NUTM2B: variants seen among roughly 807,000 people sequenced by gnomAD.
NUTM2B encodes the protein NUT family member 2B.
A neutral mutation model predicts 42.4 loss-of-function variants in NUTM2B; 2 were observed. The observed-to-expected ratio is 0.05, with a 90% confidence interval of 0.02 to 0.15. The LOEUF is 0.15. Among genes scored for constraint, NUTM2B ranks in the 10% least tolerant of loss-of-function variants. NUTM2B has a pLI of 1.00. For missense variants in NUTM2B, 58 were observed against 952.6 expected, an observed-to-expected ratio of 0.06 and a Z score of 12.36; for synonymous variants, 18 against 402.4, an observed-to-expected ratio of 0.04 and a Z score of 11.43.
At chr10:79,698,435 CTT>C (rs1840261467), upstream of NUTM2B, among the ~76,000 whole-genome samples, 1 of 144,880 alleles carries the variant, frequency 6.9e-6, no homozygotes, top group Non-Finnish European at 1.5e-5. Flanking sequence ...TATAAACAGA[CTT>C]AGATAATTCA....
At chr10:79,705,069 G>A (rs1243269142) in intron 1 of NUTM2B, among the ~76,000 whole-genome samples, 5 of 139,972 alleles carry the variant, frequency 3.6e-5, no homozygotes, top group African/African-American at 1.3e-4. Flanking sequence ...GCCTCACCCG[G>A]CCCATGGCCC....
At chr10:79,700,939 C>T (rs549814373), upstream of NUTM2B, among the ~76,000 whole-genome samples, 75 of 152,332 alleles carry the variant, frequency 4.9e-4, no homozygotes, top group African/African-American at 1.8e-3. Flanking sequence ...CCTCCATGAC[C>T]GTGCCTCTGA....
chr10:79,711,967 C>T (rs1200144878), exon 7 of NUTM2B: 3 of 1,437,278 alleles, frequency 2.1e-6, no homozygotes, highest in Non-Finnish European at 2.8e-6. Context: ...TCAGGATTCC[C>T]CTGGGCTGAG....
At chr10:79,709,710 C>G (rs1840454805) in intron 3 of NUTM2B, 90 bp from the exon 4 acceptor site, 1 of 526,650 alleles carries the variant, frequency 1.9e-6, no homozygotes, top group African/African-American at 2.3e-5. Context: ...CCGAGGCACT[C>G]CCTCCTATCC....
At chr10:79,694,071 TAG>T in the NUTM2B span, among the ~76,000 whole-genome samples, 1 of 152,000 alleles carries the variant, frequency 6.6e-6, no homozygotes, top group Non-Finnish European at 1.5e-5. Flanking sequence ...CCATGTGCAA[TAG>T]AGAAACTAAT....
At chr10:79,705,697 A>G (rs1360209776) in intron 1 of NUTM2B, among the ~76,000 whole-genome samples, 1 of 144,328 alleles carries the variant, frequency 6.9e-6, no homozygotes, top group African/African-American at 2.5e-5. Flanking sequence ...CACGCTGAGG[A>G]CCACCAGGCC....
the NUTM2B span, among the ~76,000 whole-genome samples, chr10:79,696,161 C>A: frequency 6.8e-6 from 1 of 147,652 alleles, no homozygotes; most frequent in Non-Finnish European, 1.5e-5. Flanking sequence ...GCCCCCCACC[C>A]CAGTGGTGTG....
chr10:79,699,410 C>G (rs971589503), upstream of NUTM2B, among the ~76,000 whole-genome samples: 3 of 151,986 alleles, frequency 2.0e-5, no homozygotes, highest in African/African-American at 7.3e-5. Flanking sequence ...TAAACTCTCA[C>G]TCCTACACAC....
chr10:79,695,707 G>C, the NUTM2B span, among the ~76,000 whole-genome samples: 2 of 151,986 alleles, frequency 1.3e-5, no homozygotes, highest in Non-Finnish European at 2.9e-5. Context: ...TCAGGACTGA[G>C]AGAAGACATG....
the NUTM2B span, among the ~76,000 whole-genome samples, chr10:79,695,538 A>G: frequency 1.3e-5 from 2 of 152,212 alleles, no homozygotes; most frequent in African/African-American, 4.8e-5. Context: ...AGGTTGGTTG[A>G]GAACTGGTGG....
chr10:79,700,969 C>T (rs367687455), upstream of NUTM2B, among the ~76,000 whole-genome samples: 3 of 152,338 alleles, frequency 2.0e-5, no homozygotes, highest in South Asian at 4.1e-4. Flanking sequence ...GCGTCCGCAA[C>T]GATCACTCCT....
In NUTM2B at chr10:79,710,909, T is replaced by C. The variant is rs1427638960; in HGVS notation, c.1734+145T>C. On this transcript the variant is annotated intron_variant, in intron 5 of 6. Transcript: ENST00000429828. ...GTCTGTGTATGTGATTGTGTGTGTC[T>C]GTGTGTTGCTGTGTGTTTGTGTCTG... is the stretch of plus-strand genomic sequence containing the variant. The C allele has an allele frequency of 2.7e-5, 35 of 1,311,388 alleles. 1 individual carries two copies. The highest frequency in any genetic ancestry group is 1.8e-5 in the Non-Finnish European group (18 of 1,004,584). 81.2% of individuals were successfully genotyped at this position (1,311,388 alleles called of 1,614,324 possible).
chr10:79,699,646 T>C (rs1385802136), upstream of NUTM2B, among the ~76,000 whole-genome samples: 2 of 152,238 alleles, frequency 1.3e-5, no homozygotes, highest in East Asian at 1.9e-4. Flanking sequence ...TTTCACCATG[T>C]TGGTCAGGCT....
upstream of NUTM2B, among the ~76,000 whole-genome samples, chr10:79,699,212 A>G (rs1451481824): frequency 6.6e-6 from 1 of 151,898 alleles, no homozygotes; most frequent in Non-Finnish European, 1.5e-5. Flanking sequence ...AATAGACACA[A>G]GCACTTTCTC....
At chr10:79,693,435 G>A in the NUTM2B span, among the ~76,000 whole-genome samples, 4 of 152,238 alleles carry the variant, frequency 2.6e-5, no homozygotes, top group African/African-American at 9.7e-5. Context: ...TCAGCACACA[G>A]CTGAGGATAT....
At chr10:79,700,772 C>T (rs1355046268), upstream of NUTM2B, among the ~76,000 whole-genome samples, 11 of 152,334 alleles carry the variant, frequency 7.2e-5, no homozygotes, top group South Asian at 4.1e-4. Flanking sequence ...TGAGGGCGGC[C>T]GGCCTCGCGC....
At chr10:79,699,849 T>G, upstream of NUTM2B, among the ~76,000 whole-genome samples, 1 of 152,046 alleles carries the variant, frequency 6.6e-6, no homozygotes, top group Non-Finnish European at 1.5e-5. Context: ...AATTCCAAAC[T>G]AAGAATTCAT....
At chr10:79,696,843 C>T in the NUTM2B span, among the ~76,000 whole-genome samples, 1 of 151,382 alleles carries the variant, frequency 6.6e-6, no homozygotes, top group Non-Finnish European at 1.5e-5. Flanking sequence ...CCCTTCCCAC[C>T]CCTTCATGAA....
Position 79,705,098 on chromosome 10 carries a change from G to A in NUTM2B, c.383-944G>A, listed in dbSNP as rs1198746558. Among the ~76,000 whole-genome samples the A allele has an allele frequency of 1.5e-5, 2 of 129,522 alleles. 1 individual carries two copies. The highest frequency in any genetic ancestry group is 5.7e-5 in the African/African-American group (2 of 34,890). The allele number at this position is 129,522 out of a possible 152,430, so 85.0% of individuals were successfully genotyped here. A position where few individuals can be genotyped will look rare whatever the true frequency, so the allele number is the denominator to read the frequency against. ...ATGGCCCAAGAACCCCTGGTTTTTG[G>A]TTGGTCACTATGTTCAGTTATTAGG... On this transcript the variant is annotated intron_variant, in intron 1 of 6. Transcript: ENST00000429828.
Sources: gnomAD v4.1 joint callset for allele counts (sites outside exome capture counted in the v4.1 genomes callset) on GRCh38, gnomAD v4.1.1 for gene constraint, MANE v1.5 for transcripts, NCBI Gene and HGNC (gene_info 2026-07-23, HGNC 2026-07-21) for gene names.